The following SUMF2 variants were observed in gnomAD, a reference collection of about 807,000 sequenced individuals.
SUMF2 encodes the protein sulfatase modifying factor 2.
Under a neutral mutation model 44.8 loss-of-function variants are expected in SUMF2, and 45 were observed. The ratio of observed to expected loss-of-function variants is 1.00; its 90% confidence interval spans 0.79 to 1.29. The LOEUF (loss-of-function observed/expected upper bound fraction) is 1.29, where lower values mean the gene tolerates loss of function less well. SUMF2 is among the 50% of genes most tolerant of loss of function. The pLI is 0.00. For synonymous variants in SUMF2, 148 were observed against 150.4 expected, an observed-to-expected ratio of 0.98 and a Z score of 0.12; for missense variants, 418 against 389.9, an observed-to-expected ratio of 1.07 and a Z score of -0.61.
chr7:56,074,790 A>C, intron 5 of SUMF2, 54 bp downstream of exon 5: 2 of 1,606,798 alleles, frequency 1.2e-6, no homozygotes, highest in Non-Finnish European at 1.7e-6. Flanking sequence ...CCTGCCCAGC[A>C]TGAGGGGCTT....
chr7:56,073,147 A>G, intron 3 of SUMF2, 36 bp downstream of exon 3: 1 of 1,532,086 alleles, frequency 6.5e-7, no homozygotes, highest in Non-Finnish European at 9.0e-7. Context: ...AGGGGATAGG[A>G]GTGGGACCTG....
At chr7:56,078,061 G>C (rs759482546) in intron 6 of SUMF2, 41 bp from the exon 7 acceptor site, 1 of 1,558,274 alleles carries the variant, frequency 6.4e-7, no homozygotes, top group Admixed American at 1.7e-5. Context: ...ACCTGCTTTG[G>C]GACAGGTGGT....
chr7:56,076,598 A>T, intron 5 of SUMF2: 1 of 404,890 alleles, frequency 2.5e-6, no homozygotes. Flanking sequence ...AAACTGGCTC[A>T]GGTCCCAGAA....
At chr7:56,084,528 C>T (rs1796169546), downstream of SUMF2, among the ~76,000 whole-genome samples, 1 of 151,998 alleles carries the variant, frequency 6.6e-6, no homozygotes, top group African/African-American at 2.4e-5. Flanking sequence ...TGCCCACTAC[C>T]ACACCCAGCT....
intron 8 of SUMF2, chr7:56,079,092 T>C (rs1270723547): frequency 1.5e-5 from 8 of 521,258 alleles, no homozygotes; most frequent in Non-Finnish European, 2.8e-5. Flanking sequence ...TAGGTTTGTC[T>C]CATACTCCTG....
chr7:56,083,663 CACTCAAGGTG>C (rs751165741), downstream of SUMF2: 1 of 1,583,738 alleles, frequency 6.3e-7, no homozygotes, highest in Admixed American at 1.8e-5. Context: ...GTTTCCTTCT[CACTCAAGGTG>C]ACCTTCTCAG....
chr7:56,081,057 G>A, downstream of SUMF2: 3 of 1,611,970 alleles, frequency 1.9e-6, no homozygotes, highest in Non-Finnish European at 2.5e-6. This position sits in a 1 kb window ranked among gnomAD's most constrained non-coding sequence, Gnocchi z 4.6. Flanking sequence ...CAGCCCCTCA[G>A]TAGTCCTCCT....
chr7:56,081,338 C>G (rs751168353), downstream of SUMF2: 2 of 1,561,036 alleles, frequency 1.3e-6, no homozygotes, highest in Admixed American at 3.8e-5. The surrounding 1 kb of genome is among the most constrained non-coding windows in gnomAD (Gnocchi z 4.6). Flanking sequence ...GCAGCCCCCG[C>G]CCTGCCAGGC....
At chr7:56,084,351 G>T, downstream of SUMF2, 4 of 577,102 alleles carry the variant, frequency 6.9e-6, no homozygotes, top group Non-Finnish European at 1.2e-5. Context: ...ACCCAGATCA[G>T]AAGGACGTGA....
chr7:56,069,675 C>G (rs1051775522), intron 2 of SUMF2, among the ~76,000 whole-genome samples: 1 of 151,836 alleles, frequency 6.6e-6, no homozygotes, highest in Non-Finnish European at 1.5e-5. Context: ...GATCTCAGCT[C>G]GCTGCAGCCT....
At chr7:56,064,868 T>G (rs1365748239) in intron 1 of SUMF2, among the ~76,000 whole-genome samples, 11 of 73,356 alleles carry the variant, frequency 1.5e-4, no homozygotes, top group Non-Finnish European at 2.2e-4. Flanking sequence ...GGGCGACAGA[T>G]CGATACTTTA....
intron 1 of SUMF2, among the ~76,000 whole-genome samples, chr7:56,065,212 A>AT (rs1794701134): frequency 6.8e-6 from 1 of 146,580 alleles, no homozygotes; most frequent in African/African-American, 2.5e-5. Flanking sequence ...AAAAAAAAAA[A>AT]GGAAAAAGGA....
intron 8 of SUMF2, 115 bp downstream of exon 8, chr7:56,078,623 G>C: frequency 8.0e-7 from 1 of 1,253,996 alleles, no homozygotes; most frequent in Non-Finnish European, 1.1e-6. Flanking sequence ...GTGATGAGCT[G>C]GTCCCAGCAC....
In SUMF2 at chr7:56,074,766, ATTC is replaced by A. The variant is rs747736574; in HGVS notation, c.535+35_535+37del. Reference sequence around the variant, plus strand: ...CCAGATGATAAGGCGATTTTCCTTTATTCTTCTCCCCATCCTGCCCAGCATGAG... The same window carrying A: ...CCAGATGATAAGGCGATTTTCCTTTATTCTCCCCATCCTGCCCAGCATGAG... On this transcript the variant is annotated intron_variant, in intron 5 of 8. Coordinates refer to ENST00000434526, the MANE Select transcript of SUMF2 (RefSeq NM_015411.4). The A allele has an allele frequency of 5.0e-6, 8 of 1,613,016 alleles. No homozygotes were observed. The African/African-American group carries it at 9.3e-5, about 19-fold the overall frequency.
At chr7:56,084,123 C>T (rs2242510), downstream of SUMF2, 27 of 1,330,066 alleles carry the variant, frequency 2.0e-5, no homozygotes, top group South Asian at 6.3e-5. Flanking sequence ...CAATGGGCCC[C>T]GAGCTGGTGG....
chr7:56,068,698 T>TTA, intron 2 of SUMF2, 60 bp downstream of exon 2: 1 of 1,554,850 alleles, frequency 6.4e-7, no homozygotes, highest in Non-Finnish European at 8.6e-7. Flanking sequence ...TCTTTTTTCT[T>TTA]TCTTTTTTTT....
intron 5 of SUMF2, among the ~76,000 whole-genome samples, chr7:56,075,553 G>C (rs1256067964): frequency 6.6e-6 from 1 of 151,800 alleles, no homozygotes; most frequent in South Asian, 2.1e-4. Flanking sequence ...AAAAAAATTA[G>C]CTGGGCTTGG....
Position 56,080,229 on chromosome 7 carries a change from C to T in SUMF2, c.*617C>T. On this transcript the variant is annotated 3_prime_UTR_variant, in exon 9 of 9. Transcript: ENST00000434526. ...TGGGAATCACAAAGCAAATAGTACT[C>T]CAGAAAGACAAATATCAGAAGCTTC... 5.4e-6 allele frequency: 1 copy of T among 183,506 alleles called. No homozygotes were observed. Among genetic ancestry groups the T allele is most frequent in the Non-Finnish European group, 1.1e-5 (1 of 89,954 alleles). 11.4% of individuals were successfully genotyped at this position (183,506 alleles called of 1,614,324 possible).
intron 4 of SUMF2, 67 bp downstream of exon 4, chr7:56,074,285 C>T (rs1253094608): frequency 2.1e-6 from 3 of 1,462,538 alleles, no homozygotes; most frequent in Admixed American, 1.7e-5. Flanking sequence ...GCCCAGCCTC[C>T]TCTCTACCCC....
Sources: allele counts gnomAD v4.1 joint callset (sites outside exome capture counted in the v4.1 genomes callset), GRCh38; gene constraint gnomAD v4.1.1; non-coding constraint Gnocchi (gnomAD v3.1); transcripts MANE v1.5; gene names NCBI Gene and HGNC (gene_info 2026-07-23, HGNC 2026-07-21).